The following KCNT2 variants were observed in gnomAD, a reference collection of about 807,000 sequenced individuals.
The protein encoded by KCNT2 is potassium sodium-activated channel subfamily T member 2, also known as potassium channel subfamily T member 2.
KCNT2 carries 67 observed loss-of-function variants against 153.8 expected under a neutral mutation model. That is an observed-to-expected ratio of 0.44 (90% CI 0.36 to 0.53). KCNT2 has a LOEUF of 0.53. Among genes scored for constraint, KCNT2 ranks in the 20% least tolerant of loss-of-function variants. KCNT2 has a pLI of 0.00. For missense variants in KCNT2, 975 were observed against 1,354.8 expected, an observed-to-expected ratio of 0.72 and a Z score of 4.40; for synonymous variants, 500 against 458.8, an observed-to-expected ratio of 1.09 and a Z score of -1.15.
intron 1 of KCNT2, among the ~76,000 whole-genome samples, chr1:196,580,836 C>T (rs1025514767): frequency 6.6e-6 from 1 of 152,112 alleles, no homozygotes; most frequent in African/African-American, 2.4e-5. Context: ...ACTCAAAAGG[C>T]TTCAAAGTGT....
At chr1:196,407,849 T>A (rs1366727853) in intron 12 of KCNT2, among the ~76,000 whole-genome samples, 2 of 77,792 alleles carry the variant, frequency 2.6e-5, no homozygotes, top group Non-Finnish European at 6.2e-5. Context: ...ATAAAAACAA[T>A]TTTTTTTTTT....
intron 1 of KCNT2, among the ~76,000 whole-genome samples, chr1:196,529,311 A>G (rs1654641084): frequency 6.6e-6 from 1 of 152,198 alleles, no homozygotes; most frequent in African/African-American, 2.4e-5. Flanking sequence ...GCAAATAATT[A>G]TAGCCTTATC....
intron 14 of KCNT2, among the ~76,000 whole-genome samples, chr1:196,359,044 G>A (rs547706151): frequency 5.3e-5 from 8 of 152,008 alleles, no homozygotes; most frequent in South Asian, 4.2e-4. Context: ...GGTGGACTTC[G>A]TTTTATTTAA....
chr1:196,526,088 T>G (rs894852689), intron 1 of KCNT2, among the ~76,000 whole-genome samples: 2 of 147,374 alleles, frequency 1.4e-5, no homozygotes, highest in Non-Finnish European at 3.0e-5. Context: ...CGCAAAAAAG[T>G]GCTAGACACA....
intron 22 of KCNT2, among the ~76,000 whole-genome samples, chr1:196,301,367 G>A (rs1026172698): frequency 2.6e-5 from 4 of 152,104 alleles, no homozygotes; most frequent in African/African-American, 7.2e-5. Context: ...AAATTTGCAT[G>A]CCATTTCTGC....
intron 22 of KCNT2, among the ~76,000 whole-genome samples, chr1:196,304,506 G>C (rs763673354): frequency 6.6e-6 from 1 of 151,972 alleles, no homozygotes; most frequent in Non-Finnish European, 1.5e-5. Flanking sequence ...GGCACGAGCC[G>C]CCACACCCAG....
chr1:196,450,213 A>G (rs557877857), intron 8 of KCNT2, among the ~76,000 whole-genome samples: 1 of 151,962 alleles, frequency 6.6e-6, no homozygotes, highest in African/African-American at 2.4e-5. Context: ...TGTGTCTTTC[A>G]TCCCTATATA....
At chr1:196,508,825 A>G (rs776233912) in intron 1 of KCNT2, among the ~76,000 whole-genome samples, 4 of 152,236 alleles carry the variant, frequency 2.6e-5, no homozygotes, top group African/African-American at 4.8e-5. Flanking sequence ...TTTCCTTATT[A>G]TCAGTGGAGT....
At position 196,602,587 on chromosome 1, in the gene KCNT2, A is replaced by G. The variant is rs569360123; in HGVS notation, c.95+5628T>C. Among the ~76,000 whole-genome samples the G allele has an allele frequency of 2.0e-5, 3 of 152,314 alleles. No homozygotes were observed. The East Asian group carries it at 5.8e-4, about 29-fold the overall frequency. On this transcript the variant is annotated intron_variant, in intron 1 of 27. Transcript: ENST00000294725. The stretch of plus-strand genomic sequence containing the variant: ...TTAAATCAAACTTTAAAAATAAAGT[A>G]TCAGTAATTTGAAAAGTCACATTTC...
intron 11 of KCNT2, among the ~76,000 whole-genome samples, chr1:196,425,510 G>A (rs540365277): frequency 6.6e-6 from 1 of 151,898 alleles, no homozygotes; most frequent in Non-Finnish European, 1.5e-5. Flanking sequence ...AACAGTATTC[G>A]GGGATTTGGA....
intron 22 of KCNT2, among the ~76,000 whole-genome samples, chr1:196,295,751 A>G (rs943133837): frequency 7.9e-5 from 12 of 152,036 alleles, no homozygotes; most frequent in Non-Finnish European, 1.6e-4. Flanking sequence ...TTAAGTTAGG[A>G]AGTCTTATTT....
chr1:196,549,365 C>A (rs1254491987), intron 1 of KCNT2, among the ~76,000 whole-genome samples: 2 of 151,800 alleles, frequency 1.3e-5, no homozygotes, highest in African/African-American at 2.4e-5. Context: ...TAGGCCCCCC[C>A]ACACTAGAGA....
chr1:196,302,309 G>A (rs927974321), intron 22 of KCNT2, among the ~76,000 whole-genome samples: 1 of 151,800 alleles, frequency 6.6e-6, no homozygotes, highest in Non-Finnish European at 1.5e-5. Context: ...TGTCATACCA[G>A]TAAATATTAC....
In KCNT2 at chr1:196,228,237, T is replaced by C; in HGVS notation, c.3395A>G (p.Glu1132Gly). The change falls in exon 28 of 28, where the codon GAA becomes GGA. Residue 1132 changes from glutamate to glycine, a missense_variant. Physicochemically the swap from Glu to Gly is moderately conservative, Grantham distance 98. Coordinates refer to ENST00000294725, the MANE Select transcript of KCNT2 (RefSeq NM_198503.5). ...ATTTTATTTTTATCAAAGTTGAGTT[T>C]CCTCCCGAGAATCTTGACCAGTGAC... ...CNVTGQDSRE[E>G]TQL 1 of 1,603,520 alleles carries C rather than the reference T, an allele frequency of 6.2e-7. No homozygotes were observed. The highest frequency in any genetic ancestry group is 1.1e-5 in the South Asian group (1 of 90,400).
chr1:196,353,768 G>T (rs1225310042), intron 14 of KCNT2, among the ~76,000 whole-genome samples: 2 of 151,926 alleles, frequency 1.3e-5, no homozygotes, highest in Non-Finnish European at 2.9e-5. Flanking sequence ...TAAGTAGTTG[G>T]ATCTGTTTTT....
intron 1 of KCNT2, among the ~76,000 whole-genome samples, chr1:196,510,492 A>G (rs1336602910): frequency 6.6e-6 from 1 of 152,226 alleles, no homozygotes. Context: ...TCTGATTATA[A>G]CACACACTTA....
At chr1:196,405,937 T>C (rs1370429545) in intron 12 of KCNT2, among the ~76,000 whole-genome samples, 1 of 151,528 alleles carries the variant, frequency 6.6e-6, no homozygotes, top group Non-Finnish European at 1.5e-5. Flanking sequence ...AAAGAAGTCT[T>C]ATGGCAATCT....
At chr1:196,543,270 T>A (rs1174371662) in intron 1 of KCNT2, among the ~76,000 whole-genome samples, 7 of 152,146 alleles carry the variant, frequency 4.6e-5, no homozygotes, top group Non-Finnish European at 8.8e-5. Context: ...CAGCAATATC[T>A]TAGAGAATTA....
At chr1:196,384,066 G>T (rs1669738051) in intron 13 of KCNT2, among the ~76,000 whole-genome samples, 1 of 152,104 alleles carries the variant, frequency 6.6e-6, no homozygotes, top group Admixed American at 6.5e-5. Flanking sequence ...ACTATGTGAG[G>T]TGATGGATGT....
Sources: gnomAD v4.1 joint callset for allele counts (sites outside exome capture counted in the v4.1 genomes callset) on GRCh38, gnomAD v4.1.1 for gene constraint, MANE v1.5 for transcripts, NCBI Gene and HGNC (gene_info 2026-07-23, HGNC 2026-07-21) for gene names.